Variants in CERS6 observed in about 807,000 individuals in gnomAD.
CERS6 encodes the protein LAG1 homolog, ceramide synthase 6.
A neutral mutation model predicts 56.8 loss-of-function variants in CERS6; 26 were observed. The ratio of observed to expected loss-of-function variants is 0.46; its 90% CI spans 0.34 to 0.63. The LOEUF is 0.63. CERS6 is among the 30% of genes least tolerant of loss of function. CERS6 has a pLI of 0.01. For missense variants in CERS6, 415 were observed against 467.5 expected (o/e 0.89, Z 1.04); for synonymous variants, 164 against 173.3 (o/e 0.95, Z 0.42).
chr2:168,569,196 A>G (rs1169915403), intron 3 of CERS6, among the ~76,000 whole-genome samples: 2 of 152,178 alleles, frequency 1.3e-5, no homozygotes, highest in Admixed American at 6.5e-5. Context: ...CCGTGTGTGC[A>G]TATCCCTGGT....
chr2:168,736,631 A>G (rs1327601057), intron 8 of CERS6, among the ~76,000 whole-genome samples: 1 of 152,222 alleles, frequency 6.6e-6, no homozygotes, highest in Admixed American at 6.5e-5. Flanking sequence ...GTACCTATGT[A>G]GAGGAGGATT....
At chr2:168,699,924 C>T (rs1686763183) in intron 6 of CERS6, among the ~76,000 whole-genome samples, 1 of 152,218 alleles carries the variant, frequency 6.6e-6, no homozygotes, top group Non-Finnish European at 1.5e-5. Flanking sequence ...GAGCTCAGAA[C>T]AGCTTGCTTA....
At chr2:168,668,318 A>AG (rs1685818670) in intron 4 of CERS6, among the ~76,000 whole-genome samples, 1 of 152,112 alleles carries the variant, frequency 6.6e-6, no homozygotes, top group African/African-American at 2.4e-5. Flanking sequence ...CCCAAGCTAG[A>AG]GATCTTGGGA....
At chr2:168,486,706 TG>T (rs1574015534) in intron 1 of CERS6, among the ~76,000 whole-genome samples, 1 of 152,134 alleles carries the variant, frequency 6.6e-6, no homozygotes, top group Admixed American at 6.6e-5. Flanking sequence ...GTACTTGCTT[TG>T]GGTTCCTCCT....
intron 6 of CERS6, among the ~76,000 whole-genome samples, chr2:168,697,717 T>C (rs950449103): frequency 2.6e-5 from 4 of 152,198 alleles, no homozygotes; most frequent in African/African-American, 9.6e-5. Context: ...CTTGCCATGC[T>C]CCTGACATTA....
chr2:168,457,573 C>T (rs992130962), intron 1 of CERS6, among the ~76,000 whole-genome samples: 4 of 152,144 alleles, frequency 2.6e-5, no homozygotes, highest in African/African-American at 9.7e-5. Flanking sequence ...TATTATCTTC[C>T]CCTTTCTTGT....
chr2:168,758,033 C>T (rs887575758), intron 8 of CERS6, among the ~76,000 whole-genome samples: 2 of 152,134 alleles, frequency 1.3e-5, no homozygotes, highest in African/African-American at 2.4e-5. Flanking sequence ...CTTAATTACC[C>T]GACTTTCAGG....
intron 4 of CERS6, among the ~76,000 whole-genome samples, chr2:168,661,918 A>G (rs1441660473): frequency 3.3e-5 from 5 of 152,260 alleles, no homozygotes; most frequent in Non-Finnish European, 5.9e-5. Context: ...GCTAAGAGTC[A>G]AAGGATAATT....
At chr2:168,476,414 G>GTA (rs1440216995) in intron 1 of CERS6, among the ~76,000 whole-genome samples, 3 of 152,148 alleles carry the variant, frequency 2.0e-5, no homozygotes, top group Non-Finnish European at 4.4e-5. Flanking sequence ...GCATGTTCAA[G>GTA]TATATATGTC....
intron 1 of CERS6, among the ~76,000 whole-genome samples, chr2:168,518,156 A>G (rs1044127577): frequency 3.3e-5 from 5 of 152,210 alleles, no homozygotes; most frequent in African/African-American, 1.2e-4. Context: ...TCTGAAAGTA[A>G]GTTGTATTTT....
chr2:168,693,160 T>C (rs1344014511), intron 5 of CERS6, among the ~76,000 whole-genome samples: 1 of 152,156 alleles, frequency 6.6e-6, no homozygotes, highest in Admixed American at 6.6e-5. Flanking sequence ...GATACCCTAG[T>C]TGGTGGTCAT....
At chr2:168,566,800 CA>C (rs35044625) in intron 3 of CERS6, among the ~76,000 whole-genome samples, 75 of 144,296 alleles carry the variant, frequency 5.2e-4, no homozygotes, top group African/African-American at 1.5e-3. Context: ...CACCTACTTG[CA>C]AAAAAAAAAA....
intron 4 of CERS6, among the ~76,000 whole-genome samples, chr2:168,677,109 T>A (rs1686082888): frequency 6.6e-6 from 1 of 151,758 alleles, no homozygotes; most frequent in Non-Finnish European, 1.5e-5. Flanking sequence ...CATGGTGGTT[T>A]GCTGCACCCA....
chr2:168,512,281 G>A (rs78588130), intron 1 of CERS6, among the ~76,000 whole-genome samples: 3,373 of 152,096 alleles, frequency 0.022, 137 homozygotes, highest in East Asian at 0.18. Context: ...GCTCAATAGT[G>A]TGAATAATCT....
chr2:168,637,322 AG>A (rs1292250696), intron 4 of CERS6, among the ~76,000 whole-genome samples: 1 of 152,072 alleles, frequency 6.6e-6, no homozygotes, highest in African/African-American at 2.4e-5. Context: ...CTGAAAATAC[AG>A]AAAAAAAAAG....
rs369051715 is a variant in CERS6 at position 168,611,980 on chromosome 2, A to G, written c.408-19005A>G. Among the ~76,000 whole-genome samples the G allele has an allele frequency of 5.3e-5, 8 of 152,204 alleles. No individual in the cohort carries two copies. The East Asian group carries it at 1.3e-3, about 26-fold the overall frequency. On this transcript the variant is annotated intron_variant, in intron 3 of 9. Coordinates refer to ENST00000305747, the MANE Select transcript of CERS6 (RefSeq NM_203463.3). ...TAGCCATTGGCACTGGCCCATACTC[A>G]TGAAACTTGAAGTCATTTATTGGGT...
intron 4 of CERS6, among the ~76,000 whole-genome samples, chr2:168,682,416 A>T (rs751808964): frequency 1.8e-4 from 27 of 152,324 alleles, no homozygotes; most frequent in Middle Eastern, 3.4e-3. Context: ...GTGTCTAAAT[A>T]TATATCTACT....
At chr2:168,468,454 C>G (rs1693921489) in intron 1 of CERS6, among the ~76,000 whole-genome samples, 1 of 152,156 alleles carries the variant, frequency 6.6e-6, no homozygotes, top group Non-Finnish European at 1.5e-5. Flanking sequence ...AGCTACTGGT[C>G]TAGGGGCAAA....
At chr2:168,704,078 T>C (rs918024759) in intron 6 of CERS6, among the ~76,000 whole-genome samples, 1 of 152,180 alleles carries the variant, frequency 6.6e-6, no homozygotes, top group African/African-American at 2.4e-5. Flanking sequence ...CTGCCTTCAG[T>C]AGTGGCTTAC....
Sources: allele counts gnomAD v4.1 joint callset (sites outside exome capture counted in the v4.1 genomes callset), GRCh38; gene constraint gnomAD v4.1.1; transcripts MANE v1.5; gene names NCBI Gene and HGNC (gene_info 2026-07-23, HGNC 2026-07-21).